The following RCAN2 variants were observed in gnomAD, a reference collection of about 807,000 sequenced individuals.
RCAN2 encodes the protein calcipressin-2.
Under a neutral mutation model 23.6 loss-of-function variants are expected in RCAN2, and 9 were observed. The observed-to-expected ratio is 0.38, with a 90% CI of 0.23 to 0.67. The LOEUF is 0.67. RCAN2 is among the 30% of genes least tolerant of loss of function. The probability of loss-of-function intolerance (pLI) is 0.51; values close to 1 mark genes in which losing one functional copy is unlikely to be tolerated. For synonymous variants in RCAN2, 109 were observed against 115.7 expected (o/e 0.94, Z 0.37); for missense variants, 273 against 302.3 (o/e 0.90, Z 0.72).
chr6:46,358,111 C>T (rs1764898040), intron 2 of RCAN2, among the ~76,000 whole-genome samples: 2 of 152,180 alleles, frequency 1.3e-5, no homozygotes, highest in Non-Finnish European at 2.9e-5. Context: ...CGGTGACGCC[C>T]TAGGTCTAGA....
intron 2 of RCAN2, among the ~76,000 whole-genome samples, chr6:46,448,409 G>T (rs1371958659): frequency 6.6e-6 from 1 of 151,652 alleles, no homozygotes; most frequent in Non-Finnish European, 1.5e-5. Context: ...AACATCTAAA[G>T]AACTAAAACC....
intron 2 of RCAN2, among the ~76,000 whole-genome samples, chr6:46,254,602 G>A (rs1184804041): frequency 6.6e-6 from 1 of 152,184 alleles, no homozygotes; most frequent in East Asian, 1.9e-4. Flanking sequence ...TATGTGGGCA[G>A]TCACGGTCAC....
intron 2 of RCAN2, among the ~76,000 whole-genome samples, chr6:46,254,233 T>A (rs189818347): frequency 6.6e-6 from 1 of 152,310 alleles, no homozygotes; most frequent in Non-Finnish European, 1.5e-5. Flanking sequence ...GGATCCCTCA[T>A]GAGTCTATAA....
intron 2 of RCAN2, among the ~76,000 whole-genome samples, chr6:46,315,872 G>A (rs1173131922): frequency 6.6e-6 from 1 of 151,992 alleles, no homozygotes; most frequent in Non-Finnish European, 1.5e-5. Flanking sequence ...CTGTTCTACA[G>A]GGAACACTTA....
At chr6:46,330,694 G>A (rs1255977910) in intron 2 of RCAN2, among the ~76,000 whole-genome samples, 2 of 151,920 alleles carry the variant, frequency 1.3e-5, no homozygotes, top group South Asian at 4.2e-4. Flanking sequence ...TTTAAATTGG[G>A]ATCCAAACTA....
intron 2 of RCAN2, among the ~76,000 whole-genome samples, chr6:46,345,241 C>T (rs1306604141): frequency 2.0e-5 from 3 of 151,702 alleles, no homozygotes; most frequent in African/African-American, 7.3e-5. Context: ...AACGAGTATT[C>T]AAAATACATG....
At chr6:46,332,919 C>G (rs1442759643) in intron 2 of RCAN2, among the ~76,000 whole-genome samples, 2 of 152,214 alleles carry the variant, frequency 1.3e-5, no homozygotes, top group East Asian at 3.8e-4. Context: ...GTTTACAGTT[C>G]CAACAACAGT....
At position 46,315,330 on chromosome 6, in the gene RCAN2, T is replaced by C. The variant is rs553917595; in HGVS notation, c.226-66434A>G. Reference sequence around the variant, plus strand: ...TGAGTGGAGATAGACAATGAGCCAATACATGAACACACAATACAACATCTT... The same window carrying C: ...TGAGTGGAGATAGACAATGAGCCAACACATGAACACACAATACAACATCTT... On this transcript the variant is annotated intron_variant, in intron 2 of 4. Coordinates refer to ENST00000371374, the MANE Select transcript of RCAN2 (RefSeq NM_001251974.2). Among the ~76,000 whole-genome samples, 3 of 152,202 alleles carry C rather than the reference T, an allele frequency of 2.0e-5. No homozygotes were observed. In the East Asian group the frequency reaches 5.8e-4, roughly 29 times the overall value.
intron 2 of RCAN2, among the ~76,000 whole-genome samples, chr6:46,268,684 AT>A (rs1462464697): frequency 6.6e-6 from 1 of 152,202 alleles, no homozygotes; most frequent in African/African-American, 2.4e-5. Flanking sequence ...AATCACTTCA[AT>A]TTTCCCCAGA....
At chr6:46,258,183 T>C (rs1273781607) in intron 2 of RCAN2, among the ~76,000 whole-genome samples, 1 of 152,190 alleles carries the variant, frequency 6.6e-6, no homozygotes, top group Non-Finnish European at 1.5e-5. Context: ...CACTTCTCAG[T>C]GGATACTATT....
At chr6:46,482,618 T>C (rs1300800624) in intron 1 of RCAN2, among the ~76,000 whole-genome samples, 1 of 152,226 alleles carries the variant, frequency 6.6e-6, no homozygotes, top group Non-Finnish European at 1.5e-5. Context: ...AAAGTTATAC[T>C]GTCATAAAAT....
intron 2 of RCAN2, among the ~76,000 whole-genome samples, chr6:46,279,247 G>A (rs1767819693): frequency 6.6e-6 from 1 of 152,164 alleles, no homozygotes; most frequent in Admixed American, 6.5e-5. Context: ...TATCCTGACA[G>A]TTTCAATTCC....
intron 1 of RCAN2, 23 bp from the exon 2 acceptor site, chr6:46,457,001 G>A (rs1288006311): frequency 6.7e-7 from 1 of 1,494,014 alleles, no homozygotes; most frequent in Non-Finnish European, 9.1e-7. Flanking sequence ...AGATGAGCAT[G>A]TGTTACTGCA....
intron 2 of RCAN2, among the ~76,000 whole-genome samples, chr6:46,264,517 T>A (rs1301866580): frequency 6.6e-6 from 1 of 152,232 alleles, no homozygotes; most frequent in African/African-American, 2.4e-5. Flanking sequence ...CTGTTCTTTA[T>A]GTAATGACAT....
chr6:46,444,136 A>G (rs1767629042), intron 2 of RCAN2, among the ~76,000 whole-genome samples: 1 of 152,232 alleles, frequency 6.6e-6, no homozygotes, highest in Non-Finnish European at 1.5e-5. Flanking sequence ...ATGTAAATGG[A>G]GAAAAGGAAA....
At chr6:46,388,801 G>A (rs1446577896) in intron 2 of RCAN2, among the ~76,000 whole-genome samples, 3 of 152,112 alleles carry the variant, frequency 2.0e-5, no homozygotes, top group African/African-American at 7.2e-5. Context: ...CCTGTGTTGG[G>A]GAGCCGGCAG....
intron 2 of RCAN2, among the ~76,000 whole-genome samples, chr6:46,318,662 A>G (rs376259053): frequency 4.6e-5 from 7 of 152,276 alleles, no homozygotes; most frequent in Admixed American, 1.3e-4. Flanking sequence ...TAGATGTGCC[A>G]TTGTAGAATA....
intron 2 of RCAN2, among the ~76,000 whole-genome samples, chr6:46,278,863 A>G (rs1183014340): frequency 6.6e-6 from 1 of 152,150 alleles, no homozygotes; most frequent in African/African-American, 2.4e-5. Context: ...TTTCTTATCA[A>G]CTCATCCCTA....
At chr6:46,306,038 G>A (rs1481362425) in intron 2 of RCAN2, among the ~76,000 whole-genome samples, 2 of 151,978 alleles carry the variant, frequency 1.3e-5, no homozygotes, top group African/African-American at 4.8e-5. Context: ...ACTGCCTGAG[G>A]CAGTAATGAA....
Sources: allele counts gnomAD v4.1 joint callset (sites outside exome capture counted in the v4.1 genomes callset), GRCh38; gene constraint gnomAD v4.1.1; transcripts MANE v1.5; gene names NCBI Gene and HGNC (gene_info 2026-07-23, HGNC 2026-07-21).